ZNF536: variants seen among roughly 807,000 people sequenced by gnomAD.
ZNF536 encodes the protein zinc finger protein 536.
A neutral mutation model predicts 84.5 loss-of-function variants in ZNF536; 13 were observed. The ratio of observed to expected loss-of-function variants is 0.15; its 90% CI spans 0.10 to 0.24. The LOEUF (loss-of-function observed/expected upper bound fraction) is 0.24, where lower values mean the gene tolerates loss of function less well. ZNF536 is among the 10% of genes least tolerant of loss of function. The pLI is 1.00. For synonymous variants in ZNF536, 811 were observed against 742.5 expected (o/e 1.09, Z -1.50); for missense variants, 1,536 against 1,747.5 (o/e 0.88, Z 2.16).
In ZNF536 at chr19:30,549,396, C is replaced by G. The variant is rs746996644; in HGVS notation, c.3777C>G (p.Asp1259Glu). Reference sequence around the variant, plus strand: ...CGGAGCGGGGGCCCCAGAGCCTGGACAAGCCGATGAACATGCTGTCGGTCC... The same window carrying G: ...CGGAGCGGGGGCCCCAGAGCCTGGAGAAGCCGATGAACATGCTGTCGGTCC... ...PKPERGPQSL[D>E]KPMNMLSVLR... is the part of the protein sequence containing the mutation. Residue 1259 changes from aspartate to glutamate, a missense_variant, in exon 4 of 5, where the codon GAC becomes GAG. By Grantham distance (45) the Asp-to-Glu change is conservative (BLOSUM62 2). Coordinates refer to ENST00000355537, the MANE Select transcript of ZNF536 (RefSeq NM_014717.3). 1.9e-6 allele frequency: 3 copies of G among 1,583,288 alleles called. No individual in the cohort carries two copies. Among genetic ancestry groups the G allele is most frequent in the Non-Finnish European group, 2.6e-6 (3 of 1,165,514 alleles).
intron 4 of ZNF536, among the ~76,000 whole-genome samples, chr19:30,552,970 G>T (rs986736524): frequency 6.6e-6 from 1 of 152,094 alleles, no homozygotes; most frequent in Admixed American, 6.5e-5. Flanking sequence ...TCCCACTAGG[G>T]GTCTGATCTC....
intron 2 of ZNF536, among the ~76,000 whole-genome samples, chr19:30,316,458 T>C (rs143434549): frequency 1.3e-4 from 20 of 152,346 alleles, no homozygotes; most frequent in African/African-American, 4.8e-4. Flanking sequence ...TTCTATTTTT[T>C]AAATTGATTT....
intron 1 of ZNF536, among the ~76,000 whole-genome samples, chr19:30,608,959 C>T (rs1733620326): frequency 6.6e-6 from 1 of 152,228 alleles, no homozygotes; most frequent in African/African-American, 2.4e-5. Context: ...GAGTCAGCCA[C>T]GGAAGTGGAG....
intron 2 of ZNF536, among the ~76,000 whole-genome samples, chr19:30,503,269 G>C (rs1156498622): frequency 1.3e-5 from 2 of 151,948 alleles, no homozygotes; most frequent in Non-Finnish European, 2.9e-5. Flanking sequence ...TAATATTCCT[G>C]GTGCAAAGAA....
At chr19:30,638,824 T>C (rs374124855) in intron 1 of ZNF536, among the ~76,000 whole-genome samples, 1 of 152,220 alleles carries the variant, frequency 6.6e-6, no homozygotes, top group Non-Finnish European at 1.5e-5. Flanking sequence ...ACAGGACACA[T>C]TGCTGTATTA....
chr19:30,538,978 C>A (rs185256148), intron 3 of ZNF536, among the ~76,000 whole-genome samples: 4 of 151,502 alleles, frequency 2.6e-5, no homozygotes, highest in African/African-American at 9.7e-5. Context: ...GAGGCCGAGG[C>A]GGGAGGATTG....
downstream of ZNF536, among the ~76,000 whole-genome samples, chr19:30,562,111 T>A (rs2046191452): frequency 6.6e-6 from 1 of 152,186 alleles, no homozygotes; most frequent in South Asian, 2.1e-4. Context: ...TCACGTGTCC[T>A]CTTTGGGCAC....
intron 1 of ZNF536, among the ~76,000 whole-genome samples, chr19:30,707,905 G>C (rs1184700341): frequency 1.3e-5 from 2 of 151,766 alleles, no homozygotes; most frequent in East Asian, 3.9e-4. Context: ...AGCTACTCGG[G>C]GAGTCTAAGG....
At chr19:30,575,019 C>T (rs141072143) in intron 1 of ZNF536, among the ~76,000 whole-genome samples, 19 of 152,268 alleles carry the variant, frequency 1.2e-4, no homozygotes, top group African/African-American at 4.6e-4. Flanking sequence ...TCTACACAGC[C>T]TGTCTCTGCT....
intron 1 of ZNF536, among the ~76,000 whole-genome samples, chr19:30,264,966 T>TGTGTGTGTGTGAGA (rs59889852): frequency 3.5e-4 from 47 of 133,848 alleles, no homozygotes; most frequent in African/African-American, 8.3e-4. Flanking sequence ...TGTGTGTGTG[T>TGTGTGTGTGTGAGA]GAGAGAGAGA....
Position 30,376,178 on chromosome 19 carries a change from C to A in ZNF536, c.-3+3622C>A, listed in dbSNP as rs201534100. Reference sequence around the variant, plus strand: ...CAAGGTTTCTTTGCCAGGCAGTTGTCCCTGAGGAAATTTCCAGTGCCCAGT... The same window carrying A: ...CAAGGTTTCTTTGCCAGGCAGTTGTACCTGAGGAAATTTCCAGTGCCCAGT... On this transcript the variant is annotated intron_variant, in intron 1 of 4. Transcript: ENST00000355537. 1.1e-4 allele frequency among the ~76,000 whole-genome samples: 17 copies of A among 152,218 alleles called. No individual in the cohort carries two copies. In the East Asian group the frequency reaches 2.1e-3, roughly 19 times the overall value.
At chr19:30,624,982 G>A (rs563675438) in intron 1 of ZNF536, among the ~76,000 whole-genome samples, 3 of 152,272 alleles carry the variant, frequency 2.0e-5, no homozygotes, top group Non-Finnish European at 4.4e-5. Context: ...TGCCATGATT[G>A]TAAGTTTCCT....
At chr19:30,632,108 G>A (rs11883288) in intron 1 of ZNF536, among the ~76,000 whole-genome samples, 2,932 of 152,268 alleles carry the variant, frequency 0.019, 96 homozygotes, top group African/African-American at 0.068. Context: ...GAATGGGACC[G>A]CATTTGAAAC....
chr19:30,267,602 G>C (rs1353789049), intron 1 of ZNF536, among the ~76,000 whole-genome samples: 1 of 152,064 alleles, frequency 6.6e-6, no homozygotes, highest in East Asian at 1.9e-4. Flanking sequence ...TCCTTCTCTG[G>C]TGTTACCCTC....
intron 1 of ZNF536, among the ~76,000 whole-genome samples, chr19:30,574,921 C>T (rs1159466673): frequency 6.6e-6 from 1 of 152,090 alleles, no homozygotes; most frequent in Non-Finnish European, 1.5e-5. Context: ...TGAATTTAGT[C>T]TAGTGCAGCC....
intron 1 of ZNF536, among the ~76,000 whole-genome samples, chr19:30,669,926 C>T (rs903553896): frequency 4.6e-5 from 7 of 152,176 alleles, no homozygotes; most frequent in Admixed American, 4.6e-4. Flanking sequence ...CTGGATTGTT[C>T]CTGCTTCTAC....
At chr19:30,394,349 G>A (rs757059812) in intron 1 of ZNF536, among the ~76,000 whole-genome samples, 2 of 152,064 alleles carry the variant, frequency 1.3e-5, no homozygotes, top group Non-Finnish European at 2.9e-5. Flanking sequence ...GGGTAGTTAG[G>A]TATCTAACTA....
At chr19:30,297,844 T>C (rs1329477273) in intron 2 of ZNF536, among the ~76,000 whole-genome samples, 1 of 151,634 alleles carries the variant, frequency 6.6e-6, no homozygotes, top group Non-Finnish European at 1.5e-5. Flanking sequence ...CCGTGCCCTT[T>C]ATGAGTTAAA....
chr19:30,279,475 T>C (rs1044845559), intron 1 of ZNF536, among the ~76,000 whole-genome samples: 1 of 152,176 alleles, frequency 6.6e-6, no homozygotes, highest in African/African-American at 2.4e-5. Flanking sequence ...GGGGCCATGT[T>C]CATCCCCCAG....
Sources: allele counts gnomAD v4.1 joint callset (sites outside exome capture counted in the v4.1 genomes callset), GRCh38; gene constraint gnomAD v4.1.1; transcripts MANE v1.5; gene names NCBI Gene and HGNC (gene_info 2026-07-23, HGNC 2026-07-21).